The following PDXDC1 variants were observed in gnomAD, a reference collection of about 807,000 sequenced individuals.
PDXDC1 encodes pyridoxal-dependent decarboxylase domain-containing protein 1.
Under a neutral mutation model 100.1 loss-of-function variants are expected in PDXDC1, and 42 were observed. The ratio of observed to expected loss-of-function variants is 0.42; its 90% confidence interval spans 0.33 to 0.54. The LOEUF (loss-of-function observed/expected upper bound fraction) is 0.54, where lower values mean the gene tolerates loss of function less well. Ranked by LOEUF, PDXDC1 falls within the 20% of genes least tolerant of loss-of-function variation. The probability of loss-of-function intolerance (pLI) is 0.10; values close to 1 mark genes in which losing one functional copy is unlikely to be tolerated. For missense variants in PDXDC1, 636 were observed against 979.2 expected (o/e 0.65, Z 4.68); for synonymous variants, 260 against 371.7 (o/e 0.70, Z 3.46).
At chr16:15,142,317 C>T (rs2048488016), downstream of PDXDC1, among the ~76,000 whole-genome samples, 1 of 152,214 alleles carries the variant, frequency 6.6e-6, no homozygotes, top group Non-Finnish European at 1.5e-5. Context: ...CAGGCAGCCC[C>T]GCCTGTCACC....
downstream of PDXDC1, among the ~76,000 whole-genome samples, chr16:15,141,312 G>A (rs1353530189): frequency 6.6e-5 from 10 of 152,366 alleles, no homozygotes; most frequent in East Asian, 1.5e-3. Flanking sequence ...GGGACCAGAG[G>A]CCACCCCAGC....
downstream of PDXDC1, among the ~76,000 whole-genome samples, chr16:15,038,903 C>T (rs1435943406): frequency 1.3e-5 from 2 of 152,234 alleles, no homozygotes; most frequent in East Asian, 3.8e-4. Context: ...GCGCCAACAG[C>T]AGTCCCACAG....
intron 15 of PDXDC1, 28 bp downstream of exon 15, chr16:15,028,994 T>C: frequency 6.2e-7 from 1 of 1,605,216 alleles, no homozygotes; most frequent in Non-Finnish European, 8.5e-7. Context: ...CCCCCTTTCC[T>C]TTCAGGTCCC....
chr16:15,094,421 C>T (rs904966444), intron 16 of PDXDC1: 20 of 620,372 alleles, frequency 3.2e-5, no homozygotes, highest in Non-Finnish European at 4.8e-5. Flanking sequence ...ACTTGGAGGA[C>T]TTGTTCCAGC....
At chr16:15,079,988 C>G in intron 16 of PDXDC1, 2 of 1,582,326 alleles carry the variant, frequency 1.3e-6, no homozygotes, top group Non-Finnish European at 1.7e-6. Flanking sequence ...ATAGATTACT[C>G]AATACTTACA....
At chr16:15,079,900 T>A (rs1278876355) in intron 16 of PDXDC1, 21 of 1,322,424 alleles carry the variant, frequency 1.6e-5, no homozygotes, top group Non-Finnish European at 2.1e-5. Flanking sequence ...CCTGGCCAAG[T>A]GGATTCTTTT....
At chr16:15,013,807 G>A (rs1340490600) in intron 8 of PDXDC1, among the ~76,000 whole-genome samples, 6 of 151,968 alleles carry the variant, frequency 3.9e-5, no homozygotes, top group African/African-American at 7.3e-5. Flanking sequence ...CCTGGGAGGT[G>A]GAGGTTGCAG....
In PDXDC1 at chr16:15,036,158, G is replaced by C. The variant is rs1422411827; in HGVS notation, c.2250G>C (p.Glu750Asp). The C allele has an allele frequency of 2.5e-6, 4 of 1,614,066 alleles. No individual in the cohort carries two copies. Among genetic ancestry groups the C allele is most frequent in the South Asian group, 2.2e-5 (2 of 91,092 alleles). Residue 750 changes from glutamate (E) to aspartate (D), a missense_variant, in exon 23 of 23, where the codon GAG becomes GAC. Coordinates refer to ENST00000396410, the MANE Select transcript of PDXDC1 (RefSeq NM_015027.4). ...EQITLEASST[E>D]GHPGAPSPQH... ...TCACCCTCGAGGCCAGCAGCACTGA[G>C]GGACACCCAGGGGCTCCCAGCCCTC... is the stretch of plus-strand genomic sequence containing the variant.
chr16:14,991,526 ATTTTTTTT>A (rs1168644641), intron 1 of PDXDC1, among the ~76,000 whole-genome samples: 3 of 136,454 alleles, frequency 2.2e-5, no homozygotes, highest in South Asian at 4.7e-4. Context: ...TATTTTGTCT[ATTTTTTTT>A]TTTTTTTTTG....
the PDXDC1 span, among the ~76,000 whole-genome samples, chr16:15,148,370 A>ATTTTTTTTTTTTTTTTTTTT: frequency 2.9e-5 from 1 of 34,116 alleles, no homozygotes; most frequent in Non-Finnish European, 5.1e-5. Flanking sequence ...AGATCCTGTG[A>ATTTTTTTTTTTTTTTTTTTT]TTTTTTTTTT....
chr16:15,140,622 C>A (rs999622766), downstream of PDXDC1, among the ~76,000 whole-genome samples: 33 of 152,056 alleles, frequency 2.2e-4, no homozygotes, highest in Non-Finnish European at 1.9e-4. Flanking sequence ...CAACAGAAAC[C>A]AAAGGGCGGC....
the PDXDC1 span, among the ~76,000 whole-genome samples, chr16:15,150,386 T>TAAATAAAA: frequency 5.5e-5 from 8 of 145,774 alleles, no homozygotes; most frequent in South Asian, 2.2e-4. Context: ...AATAAATAAA[T>TAAATAAAA]AAAAGACATC....
At chr16:15,130,474 T>C in intron 16 of PDXDC1, 3 of 1,397,486 alleles carry the variant, frequency 2.1e-6, no homozygotes, top group Non-Finnish European at 2.0e-6. Context: ...GAAGGGGCAG[T>C]GGACGTGAGC....
At chr16:15,114,744 GT>G (rs1163834700) in intron 16 of PDXDC1, among the ~76,000 whole-genome samples, 6 of 128,766 alleles carry the variant, frequency 4.7e-5, no homozygotes, top group African/African-American at 1.5e-4. Context: ...GAAGTCTCAT[GT>G]TTTTCAGATG....
intron 16 of PDXDC1, among the ~76,000 whole-genome samples, chr16:15,117,447 A>G (rs969398688): frequency 6.7e-6 from 1 of 149,376 alleles, no homozygotes; most frequent in African/African-American, 2.5e-5. Flanking sequence ...TCACGAGGTC[A>G]AGAGATGGAG....
intron 1 of PDXDC1, among the ~76,000 whole-genome samples, chr16:14,987,155 T>C (rs1969562886): frequency 1.3e-5 from 2 of 152,296 alleles, no homozygotes; most frequent in Non-Finnish European, 2.9e-5. Context: ...TTGAGACTGT[T>C]GTAAAGTAGA....
chr16:15,104,780 T>A, intron 16 of PDXDC1: 2 of 1,584,954 alleles, frequency 1.3e-6, no homozygotes, highest in Non-Finnish European at 1.7e-6. Context: ...AAGGAGGGAA[T>A]GTTTTCACAC....
At chr16:15,145,934 T>A in the PDXDC1 span, among the ~76,000 whole-genome samples, 2 of 152,164 alleles carry the variant, frequency 1.3e-5, no homozygotes, top group African/African-American at 4.8e-5. Context: ...CACGTGTGTC[T>A]CCCTCCAAAG....
rs745527521 is a variant in PDXDC1, at chr16:15,034,260, T to C, written c.1813-26T>C. 1.4e-5 allele frequency: 23 copies of C among 1,605,044 alleles called. No individual in the cohort carries two copies. The East Asian group carries it at 4.0e-4, about 28-fold the overall frequency. ...GCCCCAGGTGAGAACCTTAAACAAG[T>C]AATGTCTTTCTTGGTCTTGCCACAG... is the stretch of plus-strand genomic sequence containing the variant. On this transcript the variant is annotated intron_variant, in intron 19 of 22. Coordinates refer to ENST00000396410, the MANE Select transcript of PDXDC1 (RefSeq NM_015027.4).
Sources: gnomAD v4.1 joint callset for allele counts (sites outside exome capture counted in the v4.1 genomes callset) on GRCh38, gnomAD v4.1.1 for gene constraint, MANE v1.5 for transcripts, NCBI Gene and HGNC (gene_info 2026-07-23, HGNC 2026-07-21) for gene names.